The following DMD variants were observed in gnomAD, a reference collection of about 807,000 sequenced individuals.
The protein encoded by DMD is dystrophin, also known as mutant dystrophin.
A neutral mutation model predicts 330.1 loss-of-function variants in DMD; 63 were observed. The ratio of observed to expected loss-of-function variants is 0.19; its 90% CI spans 0.16 to 0.24. The LOEUF (loss-of-function observed/expected upper bound fraction) is 0.24. Among genes scored for constraint, DMD ranks in the 10% least tolerant of loss-of-function variants. DMD has a pLI of 1.00. For synonymous variants in DMD, 1,223 were observed against 959.8 expected (o/e 1.27, Z -5.07); for missense variants, 3,344 against 2,684.1 (o/e 1.25, Z -5.43).
intron 7 of DMD, among the ~76,000 whole-genome samples, chrX:32,747,492 T>C (rs974243024): frequency 9.0e-6 from 1 of 111,317 alleles, no homozygotes; most frequent in Admixed American, 9.6e-5. Flanking sequence ...ACTTACTTAC[T>C]GTATTTGAAA....
At chrX:33,277,840 G>T (rs934481351) in intron 1 of DMD, among the ~76,000 whole-genome samples, 8 of 111,448 alleles carry the variant, frequency 7.2e-5, no homozygotes, top group Admixed American at 6.7e-4. Context: ...AGATGCAGTG[G>T]CTCACACCTG....
At chrX:32,599,798 C>T (rs925883440) in intron 12 of DMD, among the ~76,000 whole-genome samples, 37 of 111,757 alleles carry the variant, frequency 3.3e-4, no homozygotes, top group African/African-American at 1.1e-3. Flanking sequence ...TAAAGGAATG[C>T]TTTTGTAACA....
At chrX:32,945,130 C>T (rs1047575641) in intron 2 of DMD, among the ~76,000 whole-genome samples, 1 of 109,487 alleles carries the variant, frequency 9.1e-6, no homozygotes, top group African/African-American at 3.3e-5. Context: ...TATTAATATT[C>T]CCACCAAGAA....
At chrX:31,276,314 C>T (rs147635989) in intron 62 of DMD, among the ~76,000 whole-genome samples, 10,940 of 111,779 alleles carry the variant, frequency 0.098, 503 homozygotes, top group Middle Eastern at 0.13. Context: ...CCACCTTGGC[C>T]TCCCAAAGTG....
intron 1 of DMD, among the ~76,000 whole-genome samples, chrX:33,217,290 T>A (rs1321210885): frequency 9.0e-6 from 1 of 111,581 alleles, no homozygotes; most frequent in Non-Finnish European, 1.9e-5. Flanking sequence ...ATTCAAGCAA[T>A]TTGGAGGGTG....
At chrX:31,285,138 G>A (rs2053101418) in intron 62 of DMD, among the ~76,000 whole-genome samples, 1 of 112,131 alleles carries the variant, frequency 8.9e-6, no homozygotes, top group East Asian at 2.8e-4. Context: ...CACAGATGGA[G>A]AAAGTAATAG....
chrX:32,849,693 T>A lies in DMD; in HGVS notation c.186+35A>T, dbSNP rs72470531. ...GTTTCTGGTCTGAAATTCTACTAAGTTTAAAGTTAACTTTCTTAAAAATAA... is the reference window on the plus strand; with the variant it reads ...GTTTCTGGTCTGAAATTCTACTAAGATTAAAGTTAACTTTCTTAAAAATAA... On this transcript the variant is annotated intron_variant, in intron 3 of 78. Transcript: ENST00000357033. 11,917 of 1,045,204 alleles carry A rather than the reference T, an allele frequency of 0.011. 64 individuals are homozygous for A. Among genetic ancestry groups the A allele is most frequent in the Non-Finnish European group, 0.015 (11,034 of 745,790 alleles). The allele number at this position is 1,045,204 out of a possible 1,213,427, so 86.1% of individuals were successfully genotyped here.
intron 9 of DMD, among the ~76,000 whole-genome samples, chrX:32,694,011 C>T (rs896211714): frequency 3.6e-5 from 4 of 112,009 alleles, no homozygotes; most frequent in African/African-American, 1.3e-4. Context: ...TACTGTTTTC[C>T]TAAATTCACT....
At chrX:32,853,290 G>C (rs1338457269) in intron 2 of DMD, among the ~76,000 whole-genome samples, 1 of 111,321 alleles carries the variant, frequency 9.0e-6, no homozygotes, top group Non-Finnish European at 1.9e-5. Context: ...AGTAAGTACA[G>C]ACAAACACAA....
In DMD at chrX:32,657,011, ATGTGTG is replaced by A. The variant is rs57052299; in HGVS notation, c.961-11865_961-11860del. Among the ~76,000 whole-genome samples, 15 of 100,788 alleles carry A rather than the reference ATGTGTG, an allele frequency of 1.5e-4. No homozygotes were observed. In the East Asian group the frequency reaches 2.7e-3, roughly 18 times the overall value. 87.5% of individuals were successfully genotyped at this position (100,788 alleles called of 115,157 possible). On this transcript the variant is annotated intron_variant, in intron 9 of 78. Transcript: ENST00000357033. ...ATACATATATAGTATACCAACTTAT[ATGTGTG>A]TGTGTGTGTGTGTGTGTGTGTGTTT...
intron 4 of DMD, among the ~76,000 whole-genome samples, chrX:32,832,223 ATGGTACAAACTATTATAAAATAAT>A (rs1441130056): frequency 1.8e-5 from 2 of 111,647 alleles, no homozygotes; most frequent in African/African-American, 6.5e-5. Context: ...TAGATATGAA[ATGGTACAAACTATTATAAAATAAT>A]TTCACAAAAA....
At chrX:33,047,747 A>G (rs1482575805) in intron 1 of DMD, among the ~76,000 whole-genome samples, 8 of 111,960 alleles carry the variant, frequency 7.1e-5, no homozygotes, top group African/African-American at 2.3e-4. Flanking sequence ...AACTTAGCCA[A>G]TGCAAAACTG....
chrX:32,435,241 T>A (rs12852583), intron 29 of DMD, among the ~76,000 whole-genome samples: 4 of 95,409 alleles, frequency 4.2e-5, no homozygotes, highest in African/African-American at 1.1e-4. Context: ...TACATATTTT[T>A]AAATATATAT....
chrX:31,144,205 C>T (rs1286250603), intron 76 of DMD, among the ~76,000 whole-genome samples: 1 of 111,899 alleles, frequency 8.9e-6, no homozygotes, highest in Non-Finnish European at 1.9e-5. Flanking sequence ...TTCAACTACC[C>T]TGTCTCTTTC....
At chrX:32,258,967 T>C (rs1169563042) in intron 43 of DMD, among the ~76,000 whole-genome samples, 1 of 111,335 alleles carries the variant, frequency 9.0e-6, no homozygotes, top group East Asian at 2.8e-4. Context: ...AAATTATTTC[T>C]CTATACTACA....
chrX:32,844,739 A>G, intron 4 of DMD, 44 bp downstream of exon 4: 1 of 1,086,852 alleles, frequency 9.2e-7, no homozygotes, highest in Non-Finnish European at 1.3e-6. Context: ...AACATGAAGC[A>G]TGCTGTGTCA....
chrX:32,666,353 C>A (rs891435954), intron 9 of DMD, among the ~76,000 whole-genome samples: 1 of 110,480 alleles, frequency 9.1e-6, no homozygotes, highest in African/African-American at 3.3e-5. Flanking sequence ...GCTCTCCCTA[C>A]CCTTGCCCTC....
intron 45 of DMD, among the ~76,000 whole-genome samples, chrX:31,943,904 AG>A (rs1299553512): frequency 6.6e-5 from 7 of 106,503 alleles, no homozygotes; most frequent in African/African-American, 2.4e-4. Context: ...AGAGAGAGAG[AG>A]AGAGAGAGAG....
intron 7 of DMD, among the ~76,000 whole-genome samples, chrX:32,787,225 TGTGTGTGTGTGTGTGTGTGTGTGAGA>T (rs2075435856): frequency 1.0e-5 from 1 of 98,394 alleles, no homozygotes. Flanking sequence ...TGTGTGTGTG[TGTGTGTGTGTGTGTGTGTGTGTGAGA>T]GAGAGAGAGA....
Sources: allele counts gnomAD v4.1 joint callset (sites outside exome capture counted in the v4.1 genomes callset), GRCh38; gene constraint gnomAD v4.1.1; transcripts MANE v1.5; gene names NCBI Gene and HGNC (gene_info 2026-07-23, HGNC 2026-07-21).